RIPK2: variants seen among roughly 807,000 people sequenced by gnomAD.
RIPK2 encodes the protein receptor interacting serine/threonine kinase 2.
A neutral mutation model predicts 60.9 loss-of-function variants in RIPK2; 38 were observed. That is an observed-to-expected ratio of 0.62 (90% confidence interval 0.48 to 0.82). The LOEUF is 0.82. Ranked by LOEUF, RIPK2 falls within the 40% of genes least tolerant of loss-of-function variation. The probability of loss-of-function intolerance (pLI) is 0.00; values close to 1 mark genes in which losing one functional copy is unlikely to be tolerated. For synonymous variants in RIPK2, 225 were observed against 223.4 expected (o/e 1.01, Z -0.06); for missense variants, 518 against 647.0 (o/e 0.80, Z 2.16).
chr8:89,764,096 C>G (rs982478449), intron 2 of RIPK2, among the ~76,000 whole-genome samples: 1 of 152,128 alleles, frequency 6.6e-6, no homozygotes, highest in Non-Finnish European at 1.5e-5. Flanking sequence ...TCCATGATCA[C>G]AAGCCCCCAT....
chr8:89,768,754 T>C (rs150150515), intron 3 of RIPK2, among the ~76,000 whole-genome samples: 1 of 151,916 alleles, frequency 6.6e-6, no homozygotes, highest in East Asian at 1.9e-4. Context: ...TCATTTATTC[T>C]ACCCCTCCTT....
At chr8:89,779,945 C>A in intron 6 of RIPK2, 130 bp from the exon 7 acceptor site, 1 of 586,636 alleles carries the variant, frequency 1.7e-6, no homozygotes, top group East Asian at 3.3e-5. Context: ...GTAATAAAAG[C>A]TCGTAAAACA....
intron 6 of RIPK2, among the ~76,000 whole-genome samples, chr8:89,774,768 G>A (rs1443026866): frequency 1.3e-5 from 2 of 152,082 alleles, no homozygotes; most frequent in Non-Finnish European, 2.9e-5. Context: ...AATATACATA[G>A]CAAAGAGAGG....
intron 1 of RIPK2, among the ~76,000 whole-genome samples, chr8:89,760,215 T>C (rs1809121969): frequency 1.0e-5 from 1 of 99,516 alleles, no homozygotes; most frequent in Non-Finnish European, 1.9e-5. Flanking sequence ...CATTGTTCTT[T>C]GGGATGACCT....
chr8:89,771,439 A>G (rs184241555), intron 4 of RIPK2, among the ~76,000 whole-genome samples: 2 of 152,054 alleles, frequency 1.3e-5, no homozygotes, highest in East Asian at 3.9e-4. Flanking sequence ...GTGAAAAATA[A>G]TATCATTTAA....
chr8:89,790,856 G>C lies in RIPK2; in HGVS notation c.*440G>C, dbSNP rs1339280476. The C allele has an allele frequency of 6.6e-6, 1 of 151,946 alleles. No individual in the cohort carries two copies. Among genetic ancestry groups the C allele is most frequent in the East Asian group, 1.9e-4 (1 of 5,200 alleles). 9.4% of individuals were successfully genotyped at this position (151,946 alleles called of 1,614,324 possible). On this transcript the variant is annotated 3_prime_UTR_variant, in exon 11 of 11. Coordinates refer to ENST00000220751, the MANE Select transcript of RIPK2 (RefSeq NM_003821.6). ...TCCCAGGCTTAATTGCCCTACAAAG[G>C]GTTATTAATTTAAAACTCCATTATT...
chr8:89,763,568 T>C lies in RIPK2; in HGVS notation c.327+586T>C, dbSNP rs187856515. The stretch of plus-strand genomic sequence containing the variant: ...TCAAAATACATGTATTCATTATTAA[T>C]ATTATCATGAGTCTGTAGTTTCAGT... On this transcript the variant is annotated intron_variant, in intron 2 of 10. Coordinates refer to ENST00000220751, the MANE Select transcript of RIPK2 (RefSeq NM_003821.6). Among the ~76,000 whole-genome samples the C allele has an allele frequency of 8.7e-4, 132 of 152,312 alleles. No individual in the cohort carries two copies. In the Middle Eastern group the frequency reaches 0.014, roughly 16 times the overall value.
In RIPK2 at chr8:89,772,741, C is replaced by T. The variant is rs1206158101; in HGVS notation, c.766C>T (p.Pro256Ser). ...HRPVINEESL[P>S]YDIPHRARMI... Reference sequence around the variant, plus strand: ...ACCTGTTATTAATGAAGAAAGTTTGCCATATGATATACCTCACCGAGCACG... The same window carrying T: ...ACCTGTTATTAATGAAGAAAGTTTGTCATATGATATACCTCACCGAGCACG... The change falls in exon 6 of 11, where the codon CCA (proline) becomes TCA (serine). Residue 256 changes from proline to serine, a missense_variant. Transcript: ENST00000220751. 1 of 1,611,324 alleles carries T rather than the reference C, an allele frequency of 6.2e-7. No homozygotes were observed. The highest frequency in any genetic ancestry group is 1.7e-5 in the Admixed American group (1 of 59,858).
At chr8:89,788,479 T>C (rs1007320340) in intron 9 of RIPK2, among the ~76,000 whole-genome samples, 22 of 151,996 alleles carry the variant, frequency 1.4e-4, no homozygotes, top group African/African-American at 5.3e-4. Context: ...TTTGAAAATA[T>C]AACACTAAGG....
rs1322945179 is a variant in RIPK2, at chr8:89,779,233, CTTA to C, written c.854-839_854-837del. On this transcript the variant is annotated intron_variant, in intron 6 of 10. Transcript: ENST00000220751. The stretch of plus-strand genomic sequence containing the variant: ...TATAGTGTGCAAGGCTGCAGCTTAT[CTTA>C]TTTTTTCTTAATACTGTCTTGAAGT... Among the ~76,000 whole-genome samples, 6 of 145,724 alleles carry C rather than the reference CTTA, an allele frequency of 4.1e-5. No homozygotes were observed. In the East Asian group the frequency reaches 1.0e-3, roughly 24 times the overall value.
chr8:89,784,571 T>C (rs1364920120), intron 8 of RIPK2, among the ~76,000 whole-genome samples: 1 of 152,300 alleles, frequency 6.6e-6, no homozygotes, highest in East Asian at 1.9e-4. Context: ...TAGTCTGAAT[T>C]AGTAATTTCT....
chr8:89,769,067 T>C (rs1180585117), intron 3 of RIPK2, among the ~76,000 whole-genome samples: 1 of 151,856 alleles, frequency 6.6e-6, no homozygotes, highest in African/African-American at 2.4e-5. Context: ...AAATATTTAG[T>C]TATAAGATAC....
intron 9 of RIPK2, among the ~76,000 whole-genome samples, chr8:89,787,513 A>G (rs1227905907): frequency 6.6e-6 from 1 of 152,202 alleles, no homozygotes; most frequent in Non-Finnish European, 1.5e-5. Flanking sequence ...CTGGATCTGT[A>G]ATTACAAAGG....
chr8:89,780,364 C>G (rs531328263), intron 7 of RIPK2: 1 of 318,666 alleles, frequency 3.1e-6, no homozygotes, highest in African/African-American at 2.2e-5. Flanking sequence ...CAAATGGCCA[C>G]CTTCAGATTT....
intron 3 of RIPK2, among the ~76,000 whole-genome samples, chr8:89,768,565 A>C (rs1301383253): frequency 6.6e-6 from 1 of 151,628 alleles, no homozygotes; most frequent in Non-Finnish European, 1.5e-5. Flanking sequence ...TATACAGCCC[A>C]TATTTCTTCA....
intron 6 of RIPK2, among the ~76,000 whole-genome samples, chr8:89,778,503 C>G (rs1160941374): frequency 1.3e-5 from 2 of 152,160 alleles, no homozygotes; most frequent in African/African-American, 4.8e-5. Context: ...AACCAGTAAT[C>G]TATTCTCTGT....
At chr8:89,759,323 G>T (rs1360623040) in intron 1 of RIPK2, 2 of 456,124 alleles carry the variant, frequency 4.4e-6, no homozygotes, top group Admixed American at 2.4e-5. Context: ...TTCCTACAGG[G>T]ATTTAACTAG....
Position 89,790,265 on chromosome 8 carries a change from T to G in RIPK2, c.1472T>G (p.Leu491Arg). ...PTRTSKVRQL[L>R]DTTDIQGEEF... is the part of the protein sequence containing the mutation. The stretch of plus-strand genomic sequence containing the variant: ...AGGACCTCAAAAGTCAGACAATTAC[T>G]AGACACTACTGACATCCAAGGAGAA... The change falls in exon 11 of 11, where the codon CTA becomes CGA. Residue 491 changes from leucine (L) to arginine (R), a missense_variant. By Grantham distance (102) the Leu-to-Arg change is moderately radical. This residue lies in a region of RIPK2 where 29 missense variants were observed against 68.6 expected (regional missense o/e 0.42). Coordinates refer to ENST00000220751, the MANE Select transcript of RIPK2 (RefSeq NM_003821.6). 1.2e-6 allele frequency: 2 copies of G among 1,614,100 alleles called. No homozygotes were observed. Among genetic ancestry groups the G allele is most frequent in the Non-Finnish European group, 1.7e-6 (2 of 1,179,992 alleles).
At chr8:89,779,310 GTT>G (rs55784154) in intron 6 of RIPK2, among the ~76,000 whole-genome samples, 275 of 79,082 alleles carry the variant, frequency 3.5e-3, no homozygotes, top group African/African-American at 0.015. Flanking sequence ...CGGTTTTTGG[GTT>G]TTTTTTTTTT....
Sources: gnomAD v4.1 joint callset for allele counts (sites outside exome capture counted in the v4.1 genomes callset) on GRCh38, gnomAD v4.1.1 for gene constraint, gnomAD v4.1.1 regional missense constraint, MANE v1.5 for transcripts, NCBI Gene and HGNC (gene_info 2026-07-23, HGNC 2026-07-21) for gene names.